The following ITGB5 variants were observed in gnomAD, a reference collection of about 807,000 sequenced individuals.
The protein encoded by ITGB5 is integrin beta-5.
A neutral mutation model predicts 84.8 loss-of-function variants in ITGB5; 38 were observed. That is an observed-to-expected ratio of 0.45 (90% confidence interval 0.35 to 0.59). The LOEUF (loss-of-function observed/expected upper bound fraction) is 0.59, where lower values mean the gene tolerates loss of function less well. Among genes scored for constraint, ITGB5 ranks in the 20% least tolerant of loss-of-function variants. The probability of loss-of-function intolerance (pLI) is 0.01; values close to 1 mark genes in which losing one functional copy is unlikely to be tolerated. For synonymous variants in ITGB5, 393 were observed against 414.4 expected, an observed-to-expected ratio of 0.95 and a Z score of 0.63; for missense variants, 905 against 1,034.5, an observed-to-expected ratio of 0.87 and a Z score of 1.72.
At chr3:124,855,886 C>G (rs1429567738) in intron 3 of ITGB5, among the ~76,000 whole-genome samples, 1 of 152,156 alleles carries the variant, frequency 6.6e-6, no homozygotes, top group Non-Finnish European at 1.5e-5. Flanking sequence ...CTTAACTGAG[C>G]ATATATTGAG....
chr3:124,821,152 T>A (rs766411687), intron 6 of ITGB5, among the ~76,000 whole-genome samples, 161 bp downstream of exon 6: 1 of 152,224 alleles, frequency 6.6e-6, no homozygotes, highest in Admixed American at 6.5e-5. Flanking sequence ...GGAAACCCAG[T>A]TGGAGAAGAC....
intron 5 of ITGB5, among the ~76,000 whole-genome samples, chr3:124,834,182 T>C (rs1170330455): frequency 1.3e-5 from 2 of 151,996 alleles, no homozygotes; most frequent in East Asian, 3.9e-4. Context: ...CCCACAGAAC[T>C]GTACAAACCA....
chr3:124,849,709 A>G (rs2065126886), intron 3 of ITGB5, among the ~76,000 whole-genome samples: 1 of 152,174 alleles, frequency 6.6e-6, no homozygotes, highest in Admixed American at 6.6e-5. Context: ...GAACAAAGAG[A>G]AAAGCTAGTG....
intron 4 of ITGB5, among the ~76,000 whole-genome samples, chr3:124,846,630 C>T (rs948862867): frequency 1.7e-4 from 26 of 152,008 alleles, no homozygotes; most frequent in African/African-American, 3.9e-4. Flanking sequence ...GGGAAGAAGA[C>T]ATTATATTAA....
intron 5 of ITGB5, among the ~76,000 whole-genome samples, chr3:124,834,445 A>C (rs1201783825): frequency 7.0e-6 from 1 of 143,358 alleles, no homozygotes; most frequent in African/African-American, 2.7e-5. Flanking sequence ...GAAAGAAAGA[A>C]GGAAGGAAGG....
upstream of ITGB5, among the ~76,000 whole-genome samples, chr3:124,892,525 A>C (rs1226889688): frequency 2.5e-5 from 3 of 118,824 alleles, no homozygotes; most frequent in Admixed American, 2.6e-4. Flanking sequence ...TCCCATCTCT[A>C]TTAAAAAAAA....
At chr3:124,775,365 TGCGA>T (rs780267008) in intron 10 of ITGB5, among the ~76,000 whole-genome samples, 16 of 151,664 alleles carry the variant, frequency 1.1e-4, no homozygotes, top group Admixed American at 2.6e-4. Context: ...TGTGTGTGAG[TGCGA>T]GCATCTGTGT....
chr3:124,874,615 C>T (rs1204237671), intron 1 of ITGB5, among the ~76,000 whole-genome samples: 1 of 152,106 alleles, frequency 6.6e-6, no homozygotes, highest in Admixed American at 6.6e-5. Context: ...TACTACAAAG[C>T]AACTGTAATT....
intron 5 of ITGB5, among the ~76,000 whole-genome samples, chr3:124,828,816 C>T (rs960612684): frequency 2.6e-5 from 4 of 152,218 alleles, no homozygotes; most frequent in African/African-American, 7.2e-5. Context: ...AGTATTCACA[C>T]AGAATTTAGG....
At chr3:124,766,086 G>T in intron 13 of ITGB5, 140 bp downstream of exon 13, 6 of 749,530 alleles carry the variant, frequency 8.0e-6, no homozygotes, top group Non-Finnish European at 1.2e-5. Flanking sequence ...AGAAAAAGAA[G>T]AAATTGTATC....
intron 5 of ITGB5, among the ~76,000 whole-genome samples, chr3:124,824,498 T>C (rs2064754581): frequency 6.7e-6 from 1 of 150,300 alleles, no homozygotes; most frequent in Non-Finnish European, 1.5e-5. Context: ...GATAAGATGA[T>C]TCATAGGATA....
chr3:124,773,659 A>C, intron 11 of ITGB5, 31 bp downstream of exon 11: 1 of 1,602,112 alleles, frequency 6.2e-7, no homozygotes, highest in Non-Finnish European at 8.5e-7. Context: ...CTGGGTGAGA[A>C]GTAAGGTGGG....
At position 124,796,469 on chromosome 3, in the gene ITGB5, T is replaced by C; in HGVS notation, c.1612A>G (p.Ser538Gly). 6.2e-7 allele frequency: 1 copy of C among 1,614,106 alleles called. No homozygotes were observed. Among genetic ancestry groups the C allele is most frequent in the Non-Finnish European group, 8.5e-7 (1 of 1,180,018 alleles). The change falls in exon 10 of 15, where the codon AGC becomes GGC. Residue 538 changes from serine to glycine, a missense_variant. By Grantham distance (56) the Ser-to-Gly change is moderately conservative (BLOSUM62 0). Transcript: ENST00000296181. ...GGCCCATAGATCTTGCCAAACTCGC[T>C]CTCGAAGCAGGAGCACTGGTTGCAG... ...CSCNQCSCFE[S>G]EFGKIYGPFC...
At chr3:124,812,497 C>T (rs1041817851) in intron 8 of ITGB5, among the ~76,000 whole-genome samples, 1 of 152,216 alleles carries the variant, frequency 6.6e-6, no homozygotes, top group Non-Finnish European at 1.5e-5. Flanking sequence ...CCACATGCAG[C>T]TCCAGTGCTT....
At chr3:124,859,120 T>TCAC in intron 3 of ITGB5, 122 bp downstream of exon 3, 2 of 898,856 alleles carry the variant, frequency 2.2e-6, no homozygotes, top group South Asian at 3.3e-5. Flanking sequence ...TGCCTCCCCA[T>TCAC]CACCATCTCG....
In ITGB5 at chr3:124,837,229, G is replaced by C. The variant is rs146930497; in HGVS notation, c.780+4154C>G. Among the ~76,000 whole-genome samples the C allele has an allele frequency of 5.3e-3, 800 of 152,346 alleles. 8 individuals are homozygous for C. Among genetic ancestry groups the C allele is most frequent in the African/African-American group, 0.018 (763 of 41,586 alleles). On this transcript the variant is annotated intron_variant, in intron 5 of 14. Transcript: ENST00000296181. ...GCCAAGGGCGTGCCCTGTTTTGAGA[G>C]AAGAGGAAAGCAGCCATATTTCCAG... is the stretch of plus-strand genomic sequence containing the variant.
intron 2 of ITGB5, chr3:124,862,474 C>G (rs1020417187): frequency 6.6e-6 from 1 of 152,200 alleles, no homozygotes; most frequent in Non-Finnish European, 1.5e-5. Context: ...TTCCCAACAT[C>G]CTGCTCAAAG....
intron 2 of ITGB5, among the ~76,000 whole-genome samples, chr3:124,867,030 G>A (rs1397156364): frequency 1.3e-5 from 2 of 151,990 alleles, no homozygotes. Context: ...CATTTCAGTT[G>A]GCCCATCTTG....
intron 2 of ITGB5, among the ~76,000 whole-genome samples, chr3:124,871,765 G>A (rs1419817944): frequency 1.3e-5 from 2 of 152,048 alleles, no homozygotes; most frequent in African/African-American, 2.4e-5. Context: ...GATGGAGGCT[G>A]TAGTGAGCTA....
Sources: allele counts gnomAD v4.1 joint callset (sites outside exome capture counted in the v4.1 genomes callset), GRCh38; gene constraint gnomAD v4.1.1; transcripts MANE v1.5; gene names NCBI Gene and HGNC (gene_info 2026-07-23, HGNC 2026-07-21).